Variants in CYP19A1 observed in about 807,000 individuals in gnomAD.
The protein encoded by CYP19A1 is aromatase.
CYP19A1 carries 32 observed loss-of-function variants against 44.4 expected under a neutral mutation model. The ratio of observed to expected loss-of-function variants is 0.72; its 90% CI spans 0.54 to 0.97. The LOEUF (loss-of-function observed/expected upper bound fraction) is 0.97, where lower values mean the gene tolerates loss of function less well. CYP19A1 is among the 50% of genes least tolerant of loss of function. The pLI, the probability that CYP19A1 is intolerant of heterozygous loss-of-function variation, is 0.00. For missense variants in CYP19A1, 598 were observed against 637.8 expected (o/e 0.94, Z 0.67); for synonymous variants, 212 against 215.6 (o/e 0.98, Z 0.14).
At chr15:51,281,299 A>G (rs1417280013) in intron 1 of CYP19A1, among the ~76,000 whole-genome samples, 1 of 152,186 alleles carries the variant, frequency 6.6e-6, no homozygotes, top group East Asian at 1.9e-4. Context: ...GAGAAACATG[A>G]CTGACTAGGT....
At chr15:51,325,146 G>T (rs1250300216) in intron 1 of CYP19A1, among the ~76,000 whole-genome samples, 1 of 152,162 alleles carries the variant, frequency 6.6e-6, no homozygotes, top group East Asian at 1.9e-4. Context: ...CCAGGAGGCT[G>T]AGGCCAGCTT....
intron 3 of CYP19A1, among the ~76,000 whole-genome samples, chr15:51,234,762 T>C (rs929328694): frequency 6.6e-6 from 1 of 151,472 alleles, no homozygotes; most frequent in African/African-American, 2.4e-5. Context: ...CCCAGGGGAG[T>C]ATTAAACACC....
At chr15:51,282,948 G>A (rs11853261) in intron 1 of CYP19A1, among the ~76,000 whole-genome samples, 5,765 of 152,264 alleles carry the variant, frequency 0.038, 136 homozygotes, top group Middle Eastern at 0.071. Flanking sequence ...TCTTTAGTAC[G>A]GTAAAGGAGT....
Position 51,291,772 on chromosome 15 carries a change from G to T in CYP19A1, c.-39+46723C>A, listed in dbSNP as rs1029898444. On this transcript the variant is annotated intron_variant, in intron 1 of 9. Transcript: ENST00000396402. ...AAATCTCCAACACAGAAGATAATCAGGGAAAAAAGCTCAGGCTAGAACCAT... is the reference window on the plus strand; with the variant it reads ...AAATCTCCAACACAGAAGATAATCATGGAAAAAAGCTCAGGCTAGAACCAT... 2.0e-5 allele frequency among the ~76,000 whole-genome samples: 3 copies of T among 152,238 alleles called. No homozygotes were observed. The East Asian group carries it at 5.8e-4, about 29-fold the overall frequency.
intron 6 of CYP19A1, 58 bp downstream of exon 6, chr15:51,218,483 C>G: frequency 1.9e-6 from 3 of 1,561,564 alleles, no homozygotes; most frequent in Non-Finnish European, 2.6e-6. Flanking sequence ...AGCAAAGACA[C>G]AAGGGAAAAA....
chr15:51,336,538 C>T (rs575832505), intron 1 of CYP19A1, among the ~76,000 whole-genome samples: 1 of 152,220 alleles, frequency 6.6e-6, no homozygotes, highest in East Asian at 1.9e-4. Flanking sequence ...GCAGTAAAAC[C>T]ATCAAAAGTC....
chr15:51,257,747 C>T (rs901357642), intron 1 of CYP19A1, among the ~76,000 whole-genome samples: 7 of 140,016 alleles, frequency 5.0e-5, no homozygotes, highest in Non-Finnish European at 9.5e-5. Context: ...AGCAACAACA[C>T]ATGAAGGTCA....
intron 1 of CYP19A1, chr15:51,293,793 G>C (rs555952576): frequency 6.0e-6 from 1 of 168,054 alleles, no homozygotes; most frequent in East Asian, 1.8e-4. Flanking sequence ...TCCTAATCGC[G>C]AGTGATCCGC....
At chr15:51,212,708 G>A (rs1836019085) in intron 8 of CYP19A1, 147 bp from the exon 9 acceptor site, 1 of 648,714 alleles carries the variant, frequency 1.5e-6, no homozygotes, top group Admixed American at 2.5e-5. Flanking sequence ...AGCAACCAGG[G>A]CCAAATATGT....
intron 1 of CYP19A1, among the ~76,000 whole-genome samples, chr15:51,290,923 C>G (rs2035829244): frequency 6.6e-6 from 1 of 152,154 alleles, no homozygotes; most frequent in Non-Finnish European, 1.5e-5. Context: ...AGCCCAATGC[C>G]CAAGTACAGG....
chr15:51,228,597 G>A (rs2032785162), intron 3 of CYP19A1, among the ~76,000 whole-genome samples: 2 of 152,118 alleles, frequency 1.3e-5, no homozygotes, highest in Admixed American at 1.3e-4. Context: ...AGCTATTTTG[G>A]GGCTCTGCCT....
intron 1 of CYP19A1, among the ~76,000 whole-genome samples, chr15:51,253,325 G>C (rs986548262): frequency 2.0e-5 from 3 of 152,216 alleles, no homozygotes; most frequent in Admixed American, 2.0e-4. Context: ...GGGGTAGCTG[G>C]AAGGAACAGT....
chr15:51,238,151 A>G (rs1289379800), intron 2 of CYP19A1, among the ~76,000 whole-genome samples: 1 of 152,216 alleles, frequency 6.6e-6, no homozygotes, highest in Non-Finnish European at 1.5e-5. Context: ...CCCTTTAAAT[A>G]AAAGATCTTT....
intron 1 of CYP19A1, among the ~76,000 whole-genome samples, chr15:51,249,351 G>T (rs1356138494): frequency 6.6e-6 from 1 of 152,044 alleles, no homozygotes; most frequent in African/African-American, 2.4e-5. Context: ...ATGTTTCCCT[G>T]CTCATCCAGT....
intron 1 of CYP19A1, among the ~76,000 whole-genome samples, chr15:51,290,416 T>G (rs1214766744): frequency 6.6e-6 from 1 of 152,214 alleles, no homozygotes; most frequent in Non-Finnish European, 1.5e-5. Context: ...GAGCCCTTTT[T>G]TATTCCTAAG....
chr15:51,243,451 A>G (rs1040399196), intron 1 of CYP19A1, among the ~76,000 whole-genome samples: 1 of 152,194 alleles, frequency 6.6e-6, no homozygotes, highest in African/African-American at 2.4e-5. Flanking sequence ...TTCTACAGTA[A>G]GAACACATTT....
At position 51,327,806 on chromosome 15, in the gene CYP19A1, C is replaced by T. The variant is rs1382770388; in HGVS notation, c.-39+10689G>A. Among the ~76,000 whole-genome samples, 4 of 152,230 alleles carry T rather than the reference C, an allele frequency of 2.6e-5. No homozygotes were observed. The East Asian group carries it at 7.7e-4, about 29-fold the overall frequency. On this transcript the variant is annotated intron_variant, in intron 1 of 9. Coordinates refer to ENST00000396402, the MANE Select transcript of CYP19A1 (RefSeq NM_000103.4). ...CAACAACACATAACTTGTAACTCTC[C>T]TTTTGTTATGCTCAAATGAAACCCA... is the stretch of plus-strand genomic sequence containing the variant.
intron 1 of CYP19A1, among the ~76,000 whole-genome samples, chr15:51,271,320 G>A (rs1238273183): frequency 2.6e-5 from 4 of 152,038 alleles, no homozygotes; most frequent in Non-Finnish European, 4.4e-5. Context: ...CTAAAGTTCT[G>A]ACTACCCAGT....
intron 1 of CYP19A1, among the ~76,000 whole-genome samples, chr15:51,318,120 G>T (rs1020953458): frequency 6.6e-6 from 1 of 152,110 alleles, no homozygotes. Flanking sequence ...CACAGCTGGG[G>T]TGCTATCCCA....
Sources: gnomAD v4.1 joint callset for allele counts (sites outside exome capture counted in the v4.1 genomes callset) on GRCh38, gnomAD v4.1.1 for gene constraint, MANE v1.5 for transcripts, NCBI Gene and HGNC (gene_info 2026-07-23, HGNC 2026-07-21) for gene names.